The following NOD1 variants were observed in gnomAD, a reference collection of about 807,000 sequenced individuals.
NOD1 encodes nucleotide binding oligomerization domain containing 1.
NOD1 carries 70 observed loss-of-function variants against 81.2 expected under a neutral mutation model. The observed-to-expected ratio is 0.86, with a 90% CI of 0.71 to 1.05. The LOEUF (loss-of-function observed/expected upper bound fraction) is 1.05, where lower values mean the gene tolerates loss of function less well. Among genes scored for constraint, NOD1 ranks in the 50% least tolerant of loss-of-function variants. The pLI is 0.00. For synonymous variants in NOD1, 508 were observed against 526.9 expected, an observed-to-expected ratio of 0.96 and a Z score of 0.49; for missense variants, 1,233 against 1,228.0, an observed-to-expected ratio of 1.00 and a Z score of -0.06.
chr7:30,453,084 G>A lies in NOD1; in HGVS notation c.377-44C>T, dbSNP rs187270048. 4.5e-5 allele frequency: 70 copies of A among 1,560,304 alleles called. No homozygotes were observed. The African/African-American group carries it at 8.7e-4, about 19-fold the overall frequency. On this transcript the variant is annotated intron_variant, in intron 5 of 13. Coordinates refer to ENST00000222823, the MANE Select transcript of NOD1 (RefSeq NM_006092.4). Reference sequence around the variant, plus strand: ...AGGGCACAGCAGCAGGGTGAGGAGAGAGGCAGAAACAGCATCAAACAGGGA... The same window carrying A: ...AGGGCACAGCAGCAGGGTGAGGAGAAAGGCAGAAACAGCATCAAACAGGGA...
chr7:30,469,341 A>G lies in NOD1; in HGVS notation c.-352+9265T>C, dbSNP rs1459624829. The G allele has an allele frequency of 1.6e-5, 11 of 676,404 alleles. No individual in the cohort carries two copies. In the African/African-American group the frequency reaches 2.2e-4, roughly 13 times the overall value. 41.9% of individuals were successfully genotyped at this position (676,404 alleles called of 1,614,324 possible). On this transcript the variant is annotated intron_variant, in intron 1 of 13. Coordinates refer to ENST00000222823, the MANE Select transcript of NOD1 (RefSeq NM_006092.4). The stretch of plus-strand genomic sequence containing the variant: ...AAGCACTTAATCCCTCAGAATTTGA[A>G]AGCAGATGGAAGTCAGTCCCTCCCG...
rs746225209 is a variant in NOD1, at chr7:30,446,242, C to T, written c.2370-18G>A. On this transcript the variant is annotated intron_variant, in intron 8 of 13. Transcript: ENST00000222823. ...TTCCCAGTCTGCAGAGAGAGTCACA[C>T]ACAGTCAGCCTCCAGCTATGCAGGG... 6 of 1,597,324 alleles carry T rather than the reference C, an allele frequency of 3.8e-6. No homozygotes were observed. The highest frequency in any genetic ancestry group is 4.5e-5 in the East Asian group (2 of 44,806).
chr7:30,446,560 T>C (rs1785109411), intron 8 of NOD1: 1 of 407,664 alleles, frequency 2.5e-6, no homozygotes, highest in Non-Finnish European at 4.5e-6. Flanking sequence ...AGGGTCAAGG[T>C]ATGTGGCCAC....
chr7:30,437,633 T>C lies in NOD1; in HGVS notation c.2477A>G (p.Asp826Gly). 4.6e-6 allele frequency: 7 copies of C among 1,511,834 alleles called. No individual in the cohort carries two copies. Among genetic ancestry groups the C allele is most frequent in the Non-Finnish European group, 6.1e-6 (7 of 1,142,502 alleles). The allele number at this position is 1,511,834 out of a possible 1,614,324, so 93.7% of individuals were successfully genotyped here. A position where few individuals can be genotyped will look rare whatever the true frequency, so the allele number is the denominator to read the frequency against. ...EVGMWGNQVG[D>G]EGAKAFAEAL... The stretch of plus-strand genomic sequence containing the variant: ...CTCTGCGAAGGCTTTTGCTCCTTCA[T>C]CCCCAACTTGATTGCCCCACATCCT... Residue 826 changes from aspartate (D) to glycine (G), a missense_variant, in exon 10 of 14, where the codon GAT (aspartate) becomes GGT (glycine). Physicochemically the swap from Asp to Gly is moderately conservative, Grantham distance 94. Coordinates refer to ENST00000222823, the MANE Select transcript of NOD1 (RefSeq NM_006092.4).
intron 9 of NOD1, 58 bp downstream of exon 9, chr7:30,446,083 G>GC: frequency 1.5e-6 from 2 of 1,331,960 alleles, no homozygotes; most frequent in Non-Finnish European, 2.2e-6. Flanking sequence ...GAACAGCAAG[G>GC]CCCGCCCCCC....
Position 30,452,122 on chromosome 7 carries a change from T to G in NOD1, c.1295A>C (p.His432Pro). 6.2e-7 allele frequency: 1 copy of G among 1,613,974 alleles called. No homozygotes were observed. The highest frequency in any genetic ancestry group is 1.1e-5 in the South Asian group (1 of 91,088). The change falls in exon 6 of 14, where the codon CAT becomes CCT. Residue 432 changes from histidine (H) to proline (P), a missense_variant. Physicochemically the swap from His to Pro is moderately conservative, Grantham distance 77. Coordinates refer to ENST00000222823, the MANE Select transcript of NOD1 (RefSeq NM_006092.4). Reference protein sequence around the residue: ...TDVFLLVTEVHLNRMQPSSLV... With the variant: ...TDVFLLVTEVPLNRMQPSSLV... ...GCTGCTGGGCTGCATCCTGTTCAGA[T>G]GGACCTCAGTGACCAGGAGGAAGAC...
chr7:30,446,618 T>G (rs1562671135), intron 8 of NOD1: 1 of 388,640 alleles, frequency 2.6e-6, no homozygotes, highest in East Asian at 5.2e-5. Flanking sequence ...TGTCACCCCC[T>G]GCGCAGGGCA....
Position 30,450,199 on chromosome 7 carries a change from G to GA in NOD1, c.2201+1016dup, listed in dbSNP as rs377093503. Among the ~76,000 whole-genome samples the GA allele has an allele frequency of 4.6e-4, 69 of 148,450 alleles. 2 individuals carry two copies. The East Asian group carries it at 0.011, about 24-fold the overall frequency. On this transcript the variant is annotated intron_variant, in intron 6 of 13. Transcript: ENST00000222823. ...ACAGAGCGGGACTCCATTTGGGGGA[G>GA]AAAAAAAAAAGATGGACAGAGGGTG...
intron 1 of NOD1, among the ~76,000 whole-genome samples, chr7:30,474,462 CCA>C (rs1170068841): frequency 6.6e-6 from 1 of 152,224 alleles, no homozygotes; most frequent in Admixed American, 6.5e-5. Context: ...GACAATTTTT[CCA>C]CAGACAGCGG....
intron 8 of NOD1, 154 bp downstream of exon 8, chr7:30,446,813 G>T (rs1785139277): frequency 3.2e-6 from 2 of 628,512 alleles, no homozygotes; most frequent in Non-Finnish European, 2.8e-6. Context: ...AAGCCTCACA[G>T]ATCACACAGA....
In NOD1 at chr7:30,451,839, G is replaced by A. The variant is rs369646651; in HGVS notation, c.1578C>T (p.Ala526=). 1 of 1,613,886 alleles carries A rather than the reference G, an allele frequency of 6.2e-7. No homozygotes were observed. Among genetic ancestry groups the A allele is most frequent in the South Asian group, 1.1e-5 (1 of 91,082 alleles). ...CCCTGTCGTCCAGCACGAGGAAGAA[G>A]GCTGTAAAGAAGGCCTGGAGGGTGA... The part of the protein sequence containing the change: ...FHLTLQAFFT[A]FFLVLDDRVG... The change falls in exon 6 of 14, where the codon GCC becomes GCT. Residue 526 remains alanine (A), a synonymous_variant. Transcript: ENST00000222823. The surrounding 1 kb of genome is among the most constrained non-coding windows in gnomAD (Gnocchi z 4.2).
chr7:30,447,472 T>C (rs1273457134), intron 7 of NOD1: 7 of 240,654 alleles, frequency 2.9e-5, no homozygotes, highest in Non-Finnish European at 5.8e-5. Flanking sequence ...TCTCGATGTC[T>C]ACCTTTCAGC....
chr7:30,456,875 G>A lies in NOD1; in HGVS notation c.47C>T (p.Ser16Phe), dbSNP rs771370435. The A allele has an allele frequency of 1.4e-4, 221 of 1,614,082 alleles. No individual in the cohort carries two copies. The highest frequency in any genetic ancestry group is 1.8e-4 in the Non-Finnish European group (214 of 1,180,030). ...HSEMEIIPSE[S>F]HPHIQLLKSN... ...TTTCAGTAATTGAATGTGGGGGTGA[G>A]ACTCTGATGGGATTATTTCCATCTC... Residue 16 changes from serine (S) to phenylalanine (F), a missense_variant, in exon 4 of 14, where the codon TCT (serine) becomes TTT (phenylalanine). Transcript: ENST00000222823.
chr7:30,453,186 A>G (rs1785977435), intron 5 of NOD1, 146 bp from the exon 6 acceptor site: 2 of 798,292 alleles, frequency 2.5e-6, no homozygotes, highest in Non-Finnish European at 3.9e-6. Flanking sequence ...CACTCCTCAG[A>G]TGCAGGACCT....
At chr7:30,428,258 C>T (rs1783633323) in intron 13 of NOD1, among the ~76,000 whole-genome samples, 1 of 152,032 alleles carries the variant, frequency 6.6e-6, no homozygotes, top group African/African-American at 2.4e-5. Context: ...GACGGGGTTT[C>T]GCATGTTGCC....
In NOD1 at chr7:30,461,264, G is replaced by A. The variant is rs542819136; in HGVS notation, c.-351-1223C>T. On this transcript the variant is annotated intron_variant, in intron 1 of 13. Transcript: ENST00000222823. ...GCAATCTCGGCTCACTGCAGCCTCC[G>A]CCTCCCAGGTTCAAGCAATTCTCCT... Among the ~76,000 whole-genome samples, 25 of 152,186 alleles carry A rather than the reference G, an allele frequency of 1.6e-4. No homozygotes were observed. In the East Asian group the frequency reaches 4.1e-3, roughly 25 times the overall value.
In NOD1 at chr7:30,453,053, G is replaced by A. The variant is rs763866604; in HGVS notation, c.377-13C>T. 3 of 1,591,128 alleles carry A rather than the reference G, an allele frequency of 1.9e-6. No individual in the cohort carries two copies. The East Asian group carries it at 6.7e-5, about 36-fold the overall frequency. ...GTATACCTGCTCACTGGAGGGAGGG[G>A]GTGGCAGGGCACAGCAGCAGGGTGA... On this transcript the variant is annotated splice_polypyrimidine_tract_variant and intron_variant, in intron 5 of 13. Transcript: ENST00000222823.
intron 12 of NOD1, 90 bp downstream of exon 12, chr7:30,433,006 A>G: frequency 1.0e-6 from 1 of 985,508 alleles, no homozygotes. Context: ...GTATACTTTA[A>G]GAGAGTGAAT....
intron 12 of NOD1, among the ~76,000 whole-genome samples, chr7:30,431,493 A>T (rs1344635227): frequency 6.6e-6 from 1 of 152,204 alleles, no homozygotes. Flanking sequence ...ATAAACCCAT[A>T]CATTTATGGT....
Sources: gnomAD v4.1 joint callset for allele counts (sites outside exome capture counted in the v4.1 genomes callset) on GRCh38, gnomAD v4.1.1 for gene constraint, Gnocchi (gnomAD v3.1) non-coding constraint, MANE v1.5 for transcripts, NCBI Gene and HGNC (gene_info 2026-07-23, HGNC 2026-07-21) for gene names.